PLBD1: variants seen among roughly 807,000 people sequenced by gnomAD.
PLBD1 encodes the protein phospholipase B domain containing 1, also known as lysosomal leucine aminopeptidase.
In PLBD1, 60 loss-of-function variants were observed where a neutral mutation model predicts 63.0. That is an observed-to-expected ratio of 0.95 (90% CI 0.77 to 1.18). The LOEUF (loss-of-function observed/expected upper bound fraction) is 1.18. Among genes scored for constraint, PLBD1 ranks in the 50% most tolerant of loss-of-function variants. The probability of loss-of-function intolerance (pLI) is 0.00; values close to 1 mark genes in which losing one functional copy is unlikely to be tolerated. For missense variants in PLBD1, 598 were observed against 677.9 expected (o/e 0.88, Z 1.31); for synonymous variants, 262 against 248.0 (o/e 1.06, Z -0.53).
chr12:14,560,156 A>T (rs1300047548), intron 1 of PLBD1, among the ~76,000 whole-genome samples: 5 of 152,340 alleles, frequency 3.3e-5, no homozygotes. Flanking sequence ...CACTGCGCCC[A>T]GCCCAATTAA....
At position 14,513,589 on chromosome 12, in the gene PLBD1, C is replaced by CATTTTAGTTT. The variant is rs1463850690; in HGVS notation, c.845-1888_845-1879dup. On this transcript the variant is annotated intron_variant, in intron 6 of 10. Transcript: ENST00000240617. ...CATGGACTGGGAGTCAGAAGACCTGCATTTTAGTTTCCTGCTTGCCTCTAA... is the reference window on the plus strand; with the variant it reads ...CATGGACTGGGAGTCAGAAGACCTGCATTTTAGTTTATTTTAGTTTCCTGCTTGCCTCTAA... Among the ~76,000 whole-genome samples, 9 of 152,276 alleles carry CATTTTAGTTT rather than the reference C, an allele frequency of 5.9e-5. No individual in the cohort carries two copies. The East Asian group carries it at 1.4e-3, about 23-fold the overall frequency.
At position 14,567,619 on chromosome 12, in the gene PLBD1, C is replaced by CTACA; in HGVS notation, c.77_78insTGTA (p.Leu27ValfsTer26). ...GCGGCTCCGCGGTGACTAACAACAG[C>CTACA]GGCAGCAGCAGCAGCAGCAGCAGAA... On this transcript the variant is annotated frameshift_variant, in exon 1 of 11. Coordinates refer to ENST00000240617, the MANE Select transcript of PLBD1 (RefSeq NM_024829.6). LOFTEE classifies it high-confidence loss of function. The CTACA allele has an allele frequency of 7.4e-7, 1 of 1,349,048 alleles. No individual in the cohort carries two copies. Among genetic ancestry groups the CTACA allele is most frequent in the Non-Finnish European group, 9.7e-7 (1 of 1,026,762 alleles). The allele number at this position is 1,349,048 out of a possible 1,614,324, so 83.6% of individuals were successfully genotyped here. A position where few individuals can be genotyped will look rare whatever the true frequency, so the allele number is the denominator to read the frequency against.
intron 8 of PLBD1, among the ~76,000 whole-genome samples, chr12:14,507,750 C>A (rs1945266946): frequency 6.6e-6 from 1 of 152,136 alleles, no homozygotes; most frequent in African/African-American, 2.4e-5. Flanking sequence ...CTTTTAATTC[C>A]TTTGACTCTA....
chr12:14,531,277 T>C (rs1372063900), intron 6 of PLBD1: 2 of 152,218 alleles, frequency 1.3e-5, no homozygotes, highest in East Asian at 1.9e-4. Context: ...TTTTTTGTTA[T>C]GAGAAAAAGG....
intron 6 of PLBD1, among the ~76,000 whole-genome samples, chr12:14,521,727 G>A (rs77290631): frequency 0.018 from 2,728 of 151,570 alleles, 73 homozygotes; most frequent in African/African-American, 0.063. Context: ...ATCAGTGCAG[G>A]GACACAAGAA....
rs909046730 is a variant in PLBD1 at position 14,553,121 on chromosome 12, T to C, written c.335+72A>G. Reference sequence around the variant, plus strand: ...GTTCTAATGTGCAATGCCAGGAAGATGAGAGTCACTGTGGAACATGGGAAG... The same window carrying C: ...GTTCTAATGTGCAATGCCAGGAAGACGAGAGTCACTGTGGAACATGGGAAG... On this transcript the variant is annotated intron_variant, in intron 2 of 10. Transcript: ENST00000240617. 60 of 1,284,498 alleles carry C rather than the reference T, an allele frequency of 4.7e-5. No individual in the cohort carries two copies. The Middle Eastern group carries it at 1.3e-3, about 28-fold the overall frequency. The allele number at this position is 1,284,498 out of a possible 1,614,324, so 79.6% of individuals were successfully genotyped here.
At chr12:14,566,211 A>C (rs1945779781) in intron 1 of PLBD1, among the ~76,000 whole-genome samples, 1 of 152,208 alleles carries the variant, frequency 6.6e-6, no homozygotes, top group Non-Finnish European at 1.5e-5. Flanking sequence ...AGAAGTAGAC[A>C]CCAAGGCCAC....
At chr12:14,557,296 A>C (rs1245514477) in intron 1 of PLBD1, among the ~76,000 whole-genome samples, 1 of 152,152 alleles carries the variant, frequency 6.6e-6, no homozygotes, top group African/African-American at 2.4e-5. Flanking sequence ...TCAACCCAGT[A>C]ATCCCATTAC....
At chr12:14,538,528 G>A (rs749608905) in intron 4 of PLBD1, among the ~76,000 whole-genome samples, 6 of 152,106 alleles carry the variant, frequency 3.9e-5, no homozygotes, top group East Asian at 1.9e-4. Context: ...TCCAACGTAC[G>A]GATGTATTAT....
At chr12:14,540,935 C>A (rs1242070520) in intron 3 of PLBD1, 33 bp from the exon 4 acceptor site, 1 of 1,553,932 alleles carries the variant, frequency 6.4e-7, no homozygotes, top group East Asian at 2.3e-5. Flanking sequence ...ACCACAGTCT[C>A]AATAGTTGCT....
At chr12:14,510,244 A>G (rs918214091) in intron 8 of PLBD1, among the ~76,000 whole-genome samples, 4 of 152,102 alleles carry the variant, frequency 2.6e-5, no homozygotes, top group Admixed American at 6.5e-5. Flanking sequence ...CACACAAAAA[A>G]TTAGCCAGGT....
intron 2 of PLBD1, among the ~76,000 whole-genome samples, 160 bp downstream of exon 2, chr12:14,553,033 C>T (rs944539322): frequency 6.6e-6 from 1 of 152,170 alleles, no homozygotes; most frequent in African/African-American, 2.4e-5. Context: ...CCATGCCTCA[C>T]CCCCGCAAAA....
rs370331063 is a variant in PLBD1 at position 14,506,310 on chromosome 12, T to C, written c.1373-42A>G. On this transcript the variant is annotated intron_variant, in intron 9 of 10. Coordinates refer to ENST00000240617, the MANE Select transcript of PLBD1 (RefSeq NM_024829.6). ...GGGAAGAGAGTGATTATTGGCTATTTGGAGACACACTTCTCCACAGTAAGG... is the reference window on the plus strand; with the variant it reads ...GGGAAGAGAGTGATTATTGGCTATTCGGAGACACACTTCTCCACAGTAAGG... The C allele has an allele frequency of 5.0e-6, 7 of 1,398,166 alleles. No individual in the cohort carries two copies. In the African/African-American group the frequency reaches 1.0e-4, roughly 20 times the overall value. The allele number at this position is 1,398,166 out of a possible 1,614,324, so 86.6% of individuals were successfully genotyped here.
At chr12:14,542,419 T>G (rs551082917) in intron 2 of PLBD1, 128 bp from the exon 3 acceptor site, 1 of 654,824 alleles carries the variant, frequency 1.5e-6, no homozygotes, top group African/African-American at 1.8e-5. Context: ...TATCTTTTTT[T>G]TCCTTAATAA....
At chr12:14,504,239 G>A (rs924465175) in intron 10 of PLBD1, among the ~76,000 whole-genome samples, 1 of 152,078 alleles carries the variant, frequency 6.6e-6, no homozygotes, top group African/African-American at 2.4e-5. Flanking sequence ...TAGTAGAGAT[G>A]GGGTTTTGCC....
At chr12:14,554,708 T>A (rs1357887202) in intron 1 of PLBD1, among the ~76,000 whole-genome samples, 2 of 151,786 alleles carry the variant, frequency 1.3e-5, no homozygotes, top group Non-Finnish European at 2.9e-5. Context: ...AATCCTTGAG[T>A]CCTAATGTCA....
At chr12:14,530,865 T>G (rs936512237) in intron 6 of PLBD1, among the ~76,000 whole-genome samples, 1 of 152,236 alleles carries the variant, frequency 6.6e-6, no homozygotes, top group Non-Finnish European at 1.5e-5. Flanking sequence ...CATTCCTTAC[T>G]CAGCCTTAGC....
At chr12:14,507,154 G>A in intron 8 of PLBD1, 36 bp from the exon 9 acceptor site, 2 of 1,466,670 alleles carry the variant, frequency 1.4e-6, no homozygotes, top group Non-Finnish European at 1.9e-6. Context: ...GGGAGGGATT[G>A]ACAGGGAAGG....
intron 1 of PLBD1, 65 bp downstream of exon 1, chr12:14,567,517 A>T: frequency 7.1e-7 from 1 of 1,412,684 alleles, no homozygotes; most frequent in Non-Finnish European, 9.1e-7. Flanking sequence ...GACGCGGGGC[A>T]CGGGCGCTAA....
Sources: gnomAD v4.1 joint callset for allele counts (sites outside exome capture counted in the v4.1 genomes callset) on GRCh38, gnomAD v4.1.1 for gene constraint, MANE v1.5 for transcripts, NCBI Gene and HGNC (gene_info 2026-07-23, HGNC 2026-07-21) for gene names.